Variants in ADCY5 observed in about 807,000 individuals in gnomAD.
ADCY5 encodes adenylate cyclase type 5.
ADCY5 carries 30 observed loss-of-function variants against 119.7 expected under a neutral mutation model. That is an observed-to-expected ratio of 0.25 (90% CI 0.19 to 0.34). The LOEUF is 0.34. ADCY5 is among the 10% of genes least tolerant of loss of function. ADCY5 has a pLI of 1.00. For missense variants in ADCY5, 1,324 were observed against 1,775.2 expected, an observed-to-expected ratio of 0.75 and a Z score of 4.57; for synonymous variants, 753 against 762.2, an observed-to-expected ratio of 0.99 and a Z score of 0.20.
At chr3:123,306,501 A>T (rs537998755) in intron 12 of ADCY5, among the ~76,000 whole-genome samples, 1 of 152,298 alleles carries the variant, frequency 6.6e-6, no homozygotes, top group South Asian at 2.1e-4. Flanking sequence ...CACCAAAAGC[A>T]CCAATCAAAA....
chr3:123,349,698 C>T (rs1216779177), intron 2 of ADCY5, among the ~76,000 whole-genome samples: 2 of 152,122 alleles, frequency 1.3e-5, no homozygotes, highest in African/African-American at 4.8e-5. Flanking sequence ...CCGCTCCTGC[C>T]ACCCCCAGAC....
intron 17 of ADCY5, among the ~76,000 whole-genome samples, chr3:123,292,588 C>T (rs550977016): frequency 1.3e-5 from 2 of 152,288 alleles, no homozygotes; most frequent in Admixed American, 6.5e-5. Context: ...GTGCTGTCTT[C>T]TTGCCAAGCC....
chr3:123,375,161 G>C (rs532730500), intron 1 of ADCY5, among the ~76,000 whole-genome samples: 1 of 152,222 alleles, frequency 6.6e-6, no homozygotes, highest in African/African-American at 2.4e-5. Context: ...CGAGGAGAAA[G>C]GGCTGGGATC....
At chr3:123,377,044 T>A (rs916959257) in intron 1 of ADCY5, among the ~76,000 whole-genome samples, 1 of 152,092 alleles carries the variant, frequency 6.6e-6, no homozygotes, top group African/African-American at 2.4e-5. Flanking sequence ...ATTGCACGCG[T>A]GTTCTCCGCC....
chr3:123,367,991 G>T, intron 1 of ADCY5: 1 of 1,510,258 alleles, frequency 6.6e-7, no homozygotes, highest in Non-Finnish European at 8.8e-7. Flanking sequence ...GCTGCCCTGT[G>T]GGGATGGAGG....
intron 1 of ADCY5, among the ~76,000 whole-genome samples, chr3:123,362,742 T>C (rs1487023268): frequency 6.6e-6 from 1 of 152,194 alleles, no homozygotes; most frequent in Non-Finnish European, 1.5e-5. Context: ...CTCTATCCTC[T>C]ATCCTCAAGT....
rs1167304292 is a variant in ADCY5 at position 123,448,712 on chromosome 3, G to A, written c.-167C>T. 1.9e-6 allele frequency: 1 copy of A among 514,588 alleles called. No homozygotes were observed. Among genetic ancestry groups the A allele is most frequent in the Non-Finnish European group, 3.0e-6 (1 of 333,028 alleles). 31.9% of individuals were successfully genotyped at this position (514,588 alleles called of 1,614,324 possible). On this transcript the variant is annotated 5_prime_UTR_variant, in exon 1 of 21. Coordinates refer to ENST00000462833, the MANE Select transcript of ADCY5 (RefSeq NM_183357.3). ...GCATCTTGGCACCCCCGTCCTGAGCGGAGGAGGAGGGCACAGCCCCGAGGT... is the reference window on the plus strand; with the variant it reads ...GCATCTTGGCACCCCCGTCCTGAGCAGAGGAGGAGGGCACAGCCCCGAGGT...
chr3:123,286,319 G>C lies in ADCY5; in HGVS notation c.3657+366C>G, dbSNP rs1403206780. 6.6e-6 allele frequency among the ~76,000 whole-genome samples: 1 copy of C among 152,132 alleles called. No homozygotes were observed. The highest frequency in any genetic ancestry group is 1.5e-5 in the Non-Finnish European group (1 of 68,004). On this transcript the variant is annotated intron_variant, in intron 20 of 20. Coordinates refer to ENST00000462833, the MANE Select transcript of ADCY5 (RefSeq NM_183357.3). The surrounding 1 kb of genome is among the most constrained non-coding windows in gnomAD (Gnocchi z 4.2). The stretch of plus-strand genomic sequence containing the variant: ...GCCAGGAGTGCTGCAGGCTCAATGG[G>C]TAAGACCTGCTCCCTGCAGACATCT...
At chr3:123,302,832 C>A (rs1160479057) in intron 14 of ADCY5, among the ~76,000 whole-genome samples, 2 of 152,172 alleles carry the variant, frequency 1.3e-5, no homozygotes, top group African/African-American at 4.8e-5. Flanking sequence ...ATAGAAACAA[C>A]AGCTACACCG....
Position 123,416,174 on chromosome 3 carries a change from T to G in ADCY5, c.1134+31238A>C, listed in dbSNP as rs1576682253. 4 of 1,535,908 alleles carry G rather than the reference T, an allele frequency of 2.6e-6. No individual in the cohort carries two copies. The East Asian group carries it at 9.8e-5, about 38-fold the overall frequency. ...TAGTGTGGGAGGCCTGAGGTGGCCA[T>G]GACACTCACCCTCCGTGGGGCCCAT... On this transcript the variant is annotated intron_variant, in intron 1 of 20. Transcript: ENST00000462833.
Position 123,286,886 on chromosome 3 carries a change from C to T in ADCY5, c.3533-77G>A, listed in dbSNP as rs1938810177. 2 of 1,506,062 alleles carry T rather than the reference C, an allele frequency of 1.3e-6. No homozygotes were observed. Among genetic ancestry groups the T allele is most frequent in the Admixed American group, 4.4e-5 (2 of 45,390 alleles). 93.3% of individuals were successfully genotyped at this position (1,506,062 alleles called of 1,614,324 possible). On this transcript the variant is annotated intron_variant, in intron 19 of 20. Transcript: ENST00000462833. The surrounding 1 kb of genome is among the most constrained non-coding windows in gnomAD (Gnocchi z 4.2). ...CCACCATCTGTCTCCCCACATGCTG[C>T]AGGTCCTTCTGACTCCCAACCTGAG...
chr3:123,396,819 C>CGAGAGAGAGAGAGA (rs146072347), intron 1 of ADCY5, among the ~76,000 whole-genome samples: 23 of 62,360 alleles, frequency 3.7e-4, no homozygotes, highest in African/African-American at 1.3e-3. Context: ...GGCAGGCAGG[C>CGAGAGAGAGAGAGA]GAGAGAGAGA....
intron 1 of ADCY5, among the ~76,000 whole-genome samples, chr3:123,387,121 C>A (rs938982827): frequency 6.6e-6 from 1 of 152,122 alleles, no homozygotes; most frequent in East Asian, 1.9e-4. Context: ...ATCAATGGTA[C>A]AAATATAACA....
intron 8 of ADCY5, among the ~76,000 whole-genome samples, chr3:123,321,153 T>C (rs1012468536): frequency 6.6e-6 from 1 of 152,154 alleles, no homozygotes; most frequent in African/African-American, 2.4e-5. Context: ...AAATCGGGAA[T>C]TGCTGGGCTG....
intron 1 of ADCY5, among the ~76,000 whole-genome samples, chr3:123,412,961 G>A (rs1043954891): frequency 6.6e-6 from 1 of 152,174 alleles, no homozygotes; most frequent in South Asian, 2.1e-4. Context: ...TAGAGCAGGC[G>A]GCACAGGCCA....
chr3:123,302,923 G>C (rs1939927366), intron 14 of ADCY5, 132 bp downstream of exon 14: 1 of 1,062,442 alleles, frequency 9.4e-7, no homozygotes. Flanking sequence ...GAGATACTGG[G>C]GTAAGCAGGC....
chr3:123,289,633 G>A (rs1221300560), intron 19 of ADCY5, 117 bp downstream of exon 19: 4 of 1,240,614 alleles, frequency 3.2e-6, no homozygotes, highest in African/African-American at 2.9e-5. Context: ...CTCTGCTGCC[G>A]CCTGGCCTTC....
intron 1 of ADCY5, among the ~76,000 whole-genome samples, chr3:123,405,794 C>T (rs889023416): frequency 4.6e-5 from 7 of 152,100 alleles, no homozygotes; most frequent in East Asian, 1.9e-4. Flanking sequence ...GCCACCAGGC[C>T]GGGCTGGTTT....
chr3:123,304,019 T>C, intron 13 of ADCY5, 48 bp downstream of exon 13: 1 of 1,315,372 alleles, frequency 7.6e-7, no homozygotes, highest in Non-Finnish European at 1.1e-6. Flanking sequence ...CCACTGGGTT[T>C]GATCCAATGG....
Sources: allele counts gnomAD v4.1 joint callset (sites outside exome capture counted in the v4.1 genomes callset), GRCh38; gene constraint gnomAD v4.1.1; non-coding constraint Gnocchi (gnomAD v3.1); transcripts MANE v1.5; gene names NCBI Gene and HGNC (gene_info 2026-07-23, HGNC 2026-07-21).